DSCAM: variants seen among roughly 807,000 people sequenced by gnomAD.
DSCAM encodes the protein cell adhesion molecule DSCAM.
A neutral mutation model predicts 217.7 loss-of-function variants in DSCAM; 47 were observed. That is an observed-to-expected ratio of 0.22 (90% CI 0.17 to 0.28). The LOEUF (loss-of-function observed/expected upper bound fraction) is 0.28. Ranked by LOEUF, DSCAM falls within the 10% of genes least tolerant of loss-of-function variation. The pLI, the probability that DSCAM is intolerant of heterozygous loss-of-function variation, is 1.00. For missense variants in DSCAM, 2,080 were observed against 2,618.3 expected (o/e 0.79, Z 4.49); for synonymous variants, 1,056 against 1,015.3 (o/e 1.04, Z -0.76).
chr21:40,285,835 T>C (rs772235080), intron 10 of DSCAM, among the ~76,000 whole-genome samples: 1 of 152,176 alleles, frequency 6.6e-6, no homozygotes. Context: ...TCTTTCCCCA[T>C]ATTAATTCAA....
chr21:40,783,448 C>CGT (rs901949532), intron 1 of DSCAM, among the ~76,000 whole-genome samples: 3 of 151,604 alleles, frequency 2.0e-5, no homozygotes, highest in East Asian at 1.9e-4. Context: ...CGTGTGTGTG[C>CGT]GTGTGTGTGT....
At chr21:40,061,651 G>C (rs866506450) in intron 28 of DSCAM, among the ~76,000 whole-genome samples, 2 of 151,990 alleles carry the variant, frequency 1.3e-5, no homozygotes, top group Non-Finnish European at 2.9e-5. Flanking sequence ...TTTGAAATAC[G>C]GTATGGCCAA....
intron 3 of DSCAM, among the ~76,000 whole-genome samples, chr21:40,508,741 A>T (rs868607820): frequency 3.8e-3 from 9 of 2,368 alleles, no homozygotes; most frequent in Admixed American, 0.013. Context: ...GCAAATATAT[A>T]TATATATATA....
chr21:40,475,292 C>T (rs553672460), intron 3 of DSCAM, among the ~76,000 whole-genome samples: 2 of 152,294 alleles, frequency 1.3e-5, no homozygotes, highest in African/African-American at 2.4e-5. Context: ...TTCAGAAGGA[C>T]ACGAGGATGG....
intron 3 of DSCAM, among the ~76,000 whole-genome samples, chr21:40,520,010 CT>C (rs890426625): frequency 1.3e-5 from 2 of 152,094 alleles, no homozygotes; most frequent in African/African-American, 2.4e-5. Flanking sequence ...TTTGTTGCCC[CT>C]GACTCTTAAT....
At chr21:40,749,614 C>T (rs930317706) in intron 1 of DSCAM, among the ~76,000 whole-genome samples, 4 of 152,080 alleles carry the variant, frequency 2.6e-5, no homozygotes, top group South Asian at 2.1e-4. Flanking sequence ...AGCTCTTCCA[C>T]GCTGTTGGTG....
At chr21:40,799,998 T>C (rs1475516488) in intron 1 of DSCAM, among the ~76,000 whole-genome samples, 1 of 152,190 alleles carries the variant, frequency 6.6e-6, no homozygotes, top group Non-Finnish European at 1.5e-5. Context: ...AATCCATTTA[T>C]TGATTAATAG....
chr21:40,290,551 G>A lies in DSCAM; in HGVS notation c.2182+5504C>T, dbSNP rs375691517. ...CAGAAGAATCTCTTGAACCCGGGAG[G>A]TGGAGGTTGCAGCGAGCCAAGATCG... On this transcript the variant is annotated intron_variant, in intron 10 of 32. Coordinates refer to ENST00000400454, the MANE Select transcript of DSCAM (RefSeq NM_001389.5). Among the ~76,000 whole-genome samples the A allele has an allele frequency of 5.9e-4, 90 of 152,328 alleles. No individual in the cohort carries two copies. In the South Asian group the frequency reaches 8.9e-3, roughly 15 times the overall value.
At chr21:40,305,751 T>C (rs1489808125) in intron 9 of DSCAM, among the ~76,000 whole-genome samples, 1 of 152,206 alleles carries the variant, frequency 6.6e-6, no homozygotes. Flanking sequence ...CAGACAGTTG[T>C]AGATATGTGG....
chr21:40,091,397 G>A (rs1476898776), intron 21 of DSCAM, among the ~76,000 whole-genome samples: 1 of 151,934 alleles, frequency 6.6e-6, no homozygotes, highest in African/African-American at 2.4e-5. Context: ...CCCCAGCAGG[G>A]TCCAGTGTCC....
Position 40,314,741 on chromosome 21 carries a change from CA to C in DSCAM, c.1784-2383del, listed in dbSNP as rs2074177937. Among the ~76,000 whole-genome samples, 3 of 152,268 alleles carry C rather than the reference CA, an allele frequency of 2.0e-5. No homozygotes were observed. In the South Asian group the frequency reaches 6.2e-4, roughly 32 times the overall value. ...GGCTTGGTGCTTACTGTCTGAATTA[CA>C]GACAATTTTTCTAAGATAAGAACTT... On this transcript the variant is annotated intron_variant, in intron 8 of 32. Transcript: ENST00000400454.
intron 3 of DSCAM, among the ~76,000 whole-genome samples, chr21:40,538,065 G>A (rs948751408): frequency 1.5e-4 from 23 of 152,142 alleles, no homozygotes; most frequent in African/African-American, 5.6e-4. Context: ...GTAAAGGGAT[G>A]GATGTAGTGT....
chr21:40,772,846 G>A (rs1372539388), intron 1 of DSCAM, among the ~76,000 whole-genome samples: 1 of 152,200 alleles, frequency 6.6e-6, no homozygotes, highest in African/African-American at 2.4e-5. Flanking sequence ...CACAGGATTT[G>A]CCTTAAGAAA....
At chr21:40,185,975 C>T (rs56862163) in intron 14 of DSCAM, among the ~76,000 whole-genome samples, 10,939 of 152,230 alleles carry the variant, frequency 0.072, 1,250 homozygotes, top group African/African-American at 0.24. Flanking sequence ...CACTTCTAGG[C>T]CCCCAGTTGC....
intron 1 of DSCAM, among the ~76,000 whole-genome samples, chr21:40,743,205 G>A (rs974897743): frequency 5.3e-5 from 8 of 152,120 alleles, no homozygotes; most frequent in Non-Finnish European, 8.8e-5. Context: ...CTAGCAAAAA[G>A]CAGTACATCC....
At chr21:40,800,028 AATAG>A (rs1164359366) in intron 1 of DSCAM, among the ~76,000 whole-genome samples, 1 of 152,150 alleles carries the variant, frequency 6.6e-6, no homozygotes, top group African/African-American at 2.4e-5. Context: ...TCAGTGGATT[AATAG>A]ATTATCACAG....
At chr21:40,569,002 C>A (rs1422582420) in intron 3 of DSCAM, among the ~76,000 whole-genome samples, 1 of 152,164 alleles carries the variant, frequency 6.6e-6, no homozygotes, top group Non-Finnish European at 1.5e-5. Context: ...ATGCCTAATC[C>A]CAGATAGGCT....
At chr21:40,596,662 G>A (rs1380798445) in intron 3 of DSCAM, among the ~76,000 whole-genome samples, 1 of 152,144 alleles carries the variant, frequency 6.6e-6, no homozygotes, top group African/African-American at 2.4e-5. Flanking sequence ...TCTTGAAGAT[G>A]ACCTACCTCC....
intron 3 of DSCAM, among the ~76,000 whole-genome samples, chr21:40,473,598 A>T (rs1016984380): frequency 6.6e-6 from 1 of 152,232 alleles, no homozygotes; most frequent in African/African-American, 2.4e-5. Flanking sequence ...CAGAATGTGC[A>T]TATACAACTA....
Sources: gnomAD v4.1 joint callset for allele counts (sites outside exome capture counted in the v4.1 genomes callset) on GRCh38, gnomAD v4.1.1 for gene constraint, MANE v1.5 for transcripts, NCBI Gene and HGNC (gene_info 2026-07-23, HGNC 2026-07-21) for gene names.